RGS9: variants seen among roughly 807,000 people sequenced by gnomAD.
RGS9 encodes the protein regulator of G protein signaling 9.
In RGS9, 78 loss-of-function variants were observed where a neutral mutation model predicts 102.0. That is an observed-to-expected ratio of 0.76 (90% CI 0.64 to 0.92). RGS9 has a LOEUF of 0.92. RGS9 is among the 40% of genes least tolerant of loss of function. The pLI is 0.00. For synonymous variants in RGS9, 353 were observed against 318.6 expected (o/e 1.11, Z -1.15); for missense variants, 833 against 866.1 (o/e 0.96, Z 0.48).
At chr17:65,186,251 C>T (rs745564058) in intron 9 of RGS9, among the ~76,000 whole-genome samples, 1 of 151,236 alleles carries the variant, frequency 6.6e-6, no homozygotes, top group Admixed American at 6.6e-5. Context: ...GGCTGGAGTG[C>T]AGTAGCATGA....
chr17:65,215,888 G>C (rs1321900115), intron 17 of RGS9, among the ~76,000 whole-genome samples: 2 of 152,064 alleles, frequency 1.3e-5, no homozygotes, highest in South Asian at 4.1e-4. Context: ...CAGACACTGG[G>C]AGCCTGCAAA....
chr17:65,202,930 G>GGCCCA (rs1912913431), intron 14 of RGS9, among the ~76,000 whole-genome samples: 1 of 152,140 alleles, frequency 6.6e-6, no homozygotes, highest in Admixed American at 6.5e-5. Flanking sequence ...GGATACTGAG[G>GGCCCA]GCCCAGCATT....
At chr17:65,204,075 T>A in intron 14 of RGS9, 88 bp from the exon 15 acceptor site, 3 of 1,507,076 alleles carry the variant, frequency 2.0e-6, no homozygotes, top group Non-Finnish European at 2.8e-6. Flanking sequence ...AACCGATTCG[T>A]ATCAGTCCTT....
intron 6 of RGS9, among the ~76,000 whole-genome samples, chr17:65,161,958 G>C (rs1346942043): frequency 6.6e-6 from 1 of 151,086 alleles, no homozygotes; most frequent in Non-Finnish European, 1.5e-5. Context: ...TCAGCCTCCC[G>C]AAGTGCTGGG....
Position 65,226,040 on chromosome 17 carries a change from G to A in RGS9, c.1892+554G>A, listed in dbSNP as rs149846449. On this transcript the variant is annotated intron_variant, in intron 18 of 18. Transcript: ENST00000262406. Reference sequence around the variant, plus strand: ...GTCATTTCTGTGAAAATGAAAGTGCGTAGCCTTTGCCTGAGGGGGGGCCCC... The same window carrying A: ...GTCATTTCTGTGAAAATGAAAGTGCATAGCCTTTGCCTGAGGGGGGGCCCC... 3.5e-3 allele frequency among the ~76,000 whole-genome samples: 534 copies of A among 152,310 alleles called. 1 individual carries two copies. The highest frequency in any genetic ancestry group is 0.012 in the African/African-American group (493 of 41,558).
intron 3 of RGS9, among the ~76,000 whole-genome samples, chr17:65,159,233 A>G (rs1336360625): frequency 6.8e-6 from 1 of 146,266 alleles, no homozygotes; most frequent in Non-Finnish European, 1.5e-5. Context: ...CCCCACCCCT[A>G]TCTCCCTTCG....
intron 8 of RGS9, among the ~76,000 whole-genome samples, chr17:65,169,391 G>A (rs59622366): frequency 0.093 from 14,070 of 152,108 alleles, 1,640 homozygotes; most frequent in East Asian, 0.51. Context: ...TCTGGGGGCC[G>A]GGTGACAGAG....
chr17:65,216,821 C>T (rs1474168837), intron 17 of RGS9, among the ~76,000 whole-genome samples: 4 of 151,884 alleles, frequency 2.6e-5, no homozygotes, highest in East Asian at 1.9e-4. Context: ...GCTGGGGGTG[C>T]GGGGACAGGC....
At chr17:65,175,577 A>G (rs1469959288) in intron 8 of RGS9, among the ~76,000 whole-genome samples, 1 of 152,148 alleles carries the variant, frequency 6.6e-6, no homozygotes, top group African/African-American at 2.4e-5. Context: ...GTCTCGGGGC[A>G]CACTCACCAT....
intron 9 of RGS9, chr17:65,189,061 TG>T (rs1416556119): frequency 5.1e-6 from 3 of 590,456 alleles, no homozygotes; most frequent in Non-Finnish European, 9.0e-6. Context: ...AAAGTTACAG[TG>T]GTAAATTACG....
At chr17:65,183,762 G>T (rs1911993305) in intron 9 of RGS9, among the ~76,000 whole-genome samples, 1 of 152,076 alleles carries the variant, frequency 6.6e-6, no homozygotes, top group Non-Finnish European at 1.5e-5. Context: ...GAGTTTCTCT[G>T]CAGATACCTG....
At chr17:65,158,551 G>A in intron 3 of RGS9, 1 of 647,122 alleles carries the variant, frequency 1.5e-6, no homozygotes, top group East Asian at 2.8e-5. Flanking sequence ...AATATTTAGA[G>A]CATAAATAAC....
intron 14 of RGS9, among the ~76,000 whole-genome samples, 182 bp downstream of exon 14, chr17:65,202,262 G>T (rs1257618192): frequency 6.6e-6 from 1 of 152,052 alleles, no homozygotes; most frequent in Non-Finnish European, 1.5e-5. Context: ...GAGGTTTGGG[G>T]GTTCCCTGAA....
chr17:65,218,956 G>A (rs1294341537), intron 17 of RGS9, among the ~76,000 whole-genome samples: 1 of 152,208 alleles, frequency 6.6e-6, no homozygotes, highest in African/African-American at 2.4e-5. Context: ...GATATTATAG[G>A]GAAGCCACAT....
chr17:65,209,327 A>G (rs16961258), intron 16 of RGS9, among the ~76,000 whole-genome samples: 7,491 of 152,212 alleles, frequency 0.049, 726 homozygotes, highest in East Asian at 0.29. Context: ...GAGAAATCCA[A>G]TGTCAGTGTC....
rs533679486 is a variant in RGS9 at position 65,141,081 on chromosome 17, A to T, written c.57+3484A>T. 2.6e-5 allele frequency among the ~76,000 whole-genome samples: 4 copies of T among 152,338 alleles called. No individual in the cohort carries two copies. The South Asian group carries it at 8.3e-4, about 32-fold the overall frequency. On this transcript the variant is annotated intron_variant, in intron 1 of 18. Transcript: ENST00000262406. Reference sequence around the variant, plus strand: ...TGCGATTCCCGAGGTTCTCACACCCATGCCTCCATCTCAGTCTCAATGCAG... The same window carrying T: ...TGCGATTCCCGAGGTTCTCACACCCTTGCCTCCATCTCAGTCTCAATGCAG...
At chr17:65,151,160 C>T (rs776029313) in intron 1 of RGS9, among the ~76,000 whole-genome samples, 3 of 152,152 alleles carry the variant, frequency 2.0e-5, no homozygotes, top group Admixed American at 6.5e-5. Context: ...GCGTGGCCAA[C>T]ATGGCAAAAC....
chr17:65,187,787 A>G (rs1293262042), intron 9 of RGS9, among the ~76,000 whole-genome samples: 1 of 152,170 alleles, frequency 6.6e-6, no homozygotes, highest in East Asian at 1.9e-4. Flanking sequence ...CACGAGGTCA[A>G]GAGATTGAAG....
intron 2 of RGS9, among the ~76,000 whole-genome samples, chr17:65,154,071 C>T (rs1427209897): frequency 1.3e-5 from 2 of 152,176 alleles, no homozygotes; most frequent in East Asian, 3.8e-4. Context: ...CTTTGGGAGG[C>T]CGAGGCAGGT....
Sources: allele counts gnomAD v4.1 joint callset (sites outside exome capture counted in the v4.1 genomes callset), GRCh38; gene constraint gnomAD v4.1.1; transcripts MANE v1.5; gene names NCBI Gene and HGNC (gene_info 2026-07-23, HGNC 2026-07-21).